CEP250: variants seen among roughly 807,000 people sequenced by gnomAD.
CEP250 encodes centrosomal protein 250.
A neutral mutation model predicts 315.7 loss-of-function variants in CEP250; 242 were observed. That is an observed-to-expected ratio of 0.77 (90% CI 0.69 to 0.85). The LOEUF (loss-of-function observed/expected upper bound fraction) is 0.85, where lower values mean the gene tolerates loss of function less well. CEP250 is among the 40% of genes least tolerant of loss of function. The probability of loss-of-function intolerance (pLI) is 0.00; values close to 1 mark genes in which losing one functional copy is unlikely to be tolerated. For missense variants in CEP250, 2,515 were observed against 2,886.4 expected (o/e 0.87, Z 2.95); for synonymous variants, 1,088 against 1,175.0 (o/e 0.93, Z 1.51).
intron 9 of CEP250, among the ~76,000 whole-genome samples, chr20:35,468,989 T>G (rs543157047): frequency 1.3e-5 from 2 of 152,238 alleles, no homozygotes; most frequent in Non-Finnish European, 2.9e-5. Flanking sequence ...GAATGTTTGT[T>G]GAGTGATGCA....
chr20:35,504,869 T>TTGAGTGGAGGGAGAAGGCCCAGGACTTGG lies in CEP250; in HGVS notation c.6501_6529dup (p.Ala2177ValfsTer14). ...CTGAGACAGACAGAAGCCAGGGAGA[T>TTGAGTGGAGGGAGAAGGCCCAGGACTTGG]TGAGTGGAGGGAGAAGGCCCAGGAC... On this transcript the variant is annotated frameshift_variant, in exon 30 of 35. Coordinates refer to ENST00000397527, the MANE Select transcript of CEP250 (RefSeq NM_007186.6). LOFTEE classifies it high-confidence loss of function. 1.2e-6 allele frequency: 2 copies of TTGAGTGGAGGGAGAAGGCCCAGGACTTGG among 1,613,918 alleles called. No homozygotes were observed. The highest frequency in any genetic ancestry group is 2.2e-5 in the South Asian group (2 of 91,056).
intron 15 of CEP250, 29 bp from the exon 16 acceptor site, chr20:35,476,420 G>A (rs897538605): frequency 7.5e-6 from 12 of 1,597,710 alleles, no homozygotes; most frequent in Admixed American, 1.7e-5. Context: ...TTGGAAATAT[G>A]AAACTCTTTA....
Position 35,498,051 on chromosome 20 carries a change from C to A in CEP250, c.3639C>A (p.Val1213=). Residue 1213 remains valine (V), a synonymous_variant, in exon 26 of 35, where the codon GTC becomes GTA. Transcript: ENST00000397527. ...LSGGGDSAPS[V]WGLEPDQNGA... Reference sequence around the variant, plus strand: ...GTGGGGGAGACTCTGCTCCTTCCGTCTGGGGCCTTGAGCCAGGTGAGACAG... The same window carrying A: ...GTGGGGGAGACTCTGCTCCTTCCGTATGGGGCCTTGAGCCAGGTGAGACAG... 1 of 1,578,022 alleles carries A rather than the reference C, an allele frequency of 6.3e-7. No homozygotes were observed. The highest frequency in any genetic ancestry group is 8.6e-7 in the Non-Finnish European group (1 of 1,158,094).
At chr20:35,484,880 G>A (rs887510107) in intron 20 of CEP250, among the ~76,000 whole-genome samples, 2 of 152,124 alleles carry the variant, frequency 1.3e-5, no homozygotes, top group Non-Finnish European at 2.9e-5. Context: ...AAAACTTTAT[G>A]TATAGATACT....
chr20:35,492,639 C>A (rs112956318), intron 22 of CEP250, among the ~76,000 whole-genome samples: 1 of 152,114 alleles, frequency 6.6e-6, no homozygotes, highest in Non-Finnish European at 1.5e-5. Flanking sequence ...AACTCAGGGG[C>A]GAGTGGAGCG....
At chr20:35,475,282 C>G (rs1341287680) in intron 14 of CEP250, among the ~76,000 whole-genome samples, 1 of 152,218 alleles carries the variant, frequency 6.6e-6, no homozygotes, top group Non-Finnish European at 1.5e-5. Flanking sequence ...GGCATATATT[C>G]TTTCTTCCCC....
intron 3 of CEP250, among the ~76,000 whole-genome samples, chr20:35,460,427 G>A (rs1326054879): frequency 6.6e-6 from 1 of 152,232 alleles, no homozygotes; most frequent in Non-Finnish European, 1.5e-5. Flanking sequence ...ATCATTGTGA[G>A]GGAGAGAATC....
At chr20:35,456,452 G>A (rs1431427552) in intron 1 of CEP250, among the ~76,000 whole-genome samples, 1 of 152,174 alleles carries the variant, frequency 6.6e-6, no homozygotes, top group Non-Finnish European at 1.5e-5. Flanking sequence ...CTTGTGATCA[G>A]TATTTTACCG....
intron 22 of CEP250, among the ~76,000 whole-genome samples, chr20:35,491,771 A>T (rs1162468986): frequency 1.3e-5 from 2 of 151,804 alleles, no homozygotes; most frequent in Non-Finnish European, 2.9e-5. Flanking sequence ...GTGTGGTGGC[A>T]TTTGCCTGTA....
chr20:35,508,800 G>C, intron 32 of CEP250, 143 bp from the exon 33 acceptor site: 1 of 668,578 alleles, frequency 1.5e-6, no homozygotes, highest in East Asian at 2.7e-5. Flanking sequence ...CCCTAGCTGT[G>C]CCTTCCTCAG....
intron 20 of CEP250, among the ~76,000 whole-genome samples, chr20:35,485,058 T>A (rs2063467590): frequency 2.0e-5 from 2 of 99,608 alleles, no homozygotes; most frequent in Non-Finnish European, 1.9e-5. Context: ...CAAGACCCTA[T>A]CTCTTTAAAA....
chr20:35,482,397 A>AT (rs1180477417), intron 20 of CEP250, among the ~76,000 whole-genome samples: 3 of 150,798 alleles, frequency 2.0e-5, no homozygotes, highest in Non-Finnish European at 3.0e-5. Context: ...TGCCCGGCTA[A>AT]TTTTTTGTAT....
In CEP250 at chr20:35,517,012, TC is replaced by T. The variant is rs1360959108; in HGVS notation, c.*5387del. 5.1e-6 allele frequency: 5 copies of T among 985,432 alleles called. No individual in the cohort carries two copies. The African/African-American group carries it at 8.7e-5, about 17-fold the overall frequency. 61.0% of individuals were successfully genotyped at this position (985,432 alleles called of 1,614,324 possible). The stretch of plus-strand genomic sequence containing the variant: ...AGCACATGGCAAGTGGCATGCTGAC[TC>T]AGACACCGGGCACTGAGAAAAGTGG... On this transcript the variant is annotated 3_prime_UTR_variant, in exon 35 of 35. Transcript: ENST00000397527.
intron 24 of CEP250, 78 bp from the exon 25 acceptor site, chr20:35,496,499 G>A (rs1374800108): frequency 8.1e-7 from 1 of 1,235,252 alleles, no homozygotes; most frequent in Non-Finnish European, 1.1e-6. Context: ...TTAATGCTAT[G>A]TTTAGAATAC....
chr20:35,472,998 T>C (rs2063063304), intron 12 of CEP250, among the ~76,000 whole-genome samples, 167 bp downstream of exon 12: 1 of 152,184 alleles, frequency 6.6e-6, no homozygotes, highest in Non-Finnish European at 1.5e-5. Context: ...GAATTGTGCT[T>C]GTGAGTAGCA....
chr20:35,458,812 G>T (rs2062688652), intron 2 of CEP250, among the ~76,000 whole-genome samples: 1 of 151,876 alleles, frequency 6.6e-6, no homozygotes, highest in African/African-American at 2.4e-5. Flanking sequence ...GTTTTATGAG[G>T]ATTGTTTTGG....
At chr20:35,493,998 G>C (rs559700765) in intron 23 of CEP250, among the ~76,000 whole-genome samples, 1 of 151,910 alleles carries the variant, frequency 6.6e-6, no homozygotes, top group Non-Finnish European at 1.5e-5. Flanking sequence ...CTTTTTGGTG[G>C]GGGAGACAGG....
At chr20:35,464,513 A>G (rs771836477) in intron 5 of CEP250, among the ~76,000 whole-genome samples, 29 of 152,114 alleles carry the variant, frequency 1.9e-4, no homozygotes, top group Non-Finnish European at 4.1e-4. Context: ...GGGTCTCTCT[A>G]TGTTGCCCAG....
In CEP250 at chr20:35,504,921, G is replaced by A; in HGVS notation, c.6552G>A (p.Lys2184=). The A allele has an allele frequency of 6.2e-7, 1 of 1,614,208 alleles. No individual in the cohort carries two copies. The highest frequency in any genetic ancestry group is 1.3e-5 in the African/African-American group (1 of 75,062). The change falls in exon 30 of 35, where the codon AAG becomes AAA. Residue 2184 remains lysine, a synonymous_variant. Transcript: ENST00000397527. ...TGGCACTCTCCCTAGCGCAGACCAA[G>A]GCCAGTGTCAGCAGTCTGCAGGAGG... ...QDLALSLAQT[K]ASVSSLQEVA...
Sources: allele counts gnomAD v4.1 joint callset (sites outside exome capture counted in the v4.1 genomes callset), GRCh38; gene constraint gnomAD v4.1.1; transcripts MANE v1.5; gene names NCBI Gene and HGNC (gene_info 2026-07-23, HGNC 2026-07-21).